ARRDC3: variants seen among roughly 807,000 people sequenced by gnomAD.
The protein encoded by ARRDC3 is arrestin domain containing 3, also known as arrestin domain-containing protein 3.
Under a neutral mutation model 47.2 loss-of-function variants are expected in ARRDC3, and 10 were observed. That is an observed-to-expected ratio of 0.21 (90% CI 0.13 to 0.36). The LOEUF (loss-of-function observed/expected upper bound fraction) is 0.36. Ranked by LOEUF, ARRDC3 falls within the 10% of genes least tolerant of loss-of-function variation. The pLI, the probability that ARRDC3 is intolerant of heterozygous loss-of-function variation, is 1.00. For synonymous variants in ARRDC3, 156 were observed against 178.3 expected, an observed-to-expected ratio of 0.87 and a Z score of 1.00; for missense variants, 381 against 503.6, an observed-to-expected ratio of 0.76 and a Z score of 2.33.
chr5:91,375,312 G>A, intron 4 of ARRDC3, 134 bp from the exon 5 acceptor site: 1 of 1,076,694 alleles, frequency 9.3e-7, no homozygotes, highest in Non-Finnish European at 1.3e-6. Context: ...AATAACTTGA[G>A]TCATAGAAAT....
intron 1 of ARRDC3, among the ~76,000 whole-genome samples, chr5:91,379,448 C>T (rs1234544879): frequency 6.6e-6 from 1 of 151,814 alleles, no homozygotes; most frequent in Non-Finnish European, 1.5e-5. Flanking sequence ...TAAACTATAC[C>T]TTAGATAATT....
At chr5:91,373,633 C>G (rs370344255) in intron 7 of ARRDC3, 51 bp downstream of exon 7, 1 of 1,535,504 alleles carries the variant, frequency 6.5e-7, no homozygotes, top group African/African-American at 1.4e-5. Flanking sequence ...GCCTGCAATG[C>G]TATTTCCCAA....
rs559913447 is a variant in ARRDC3 at position 91,369,961 on chromosome 5, A to G, written c.*1439T>C. 2 of 152,226 alleles carry G rather than the reference A, an allele frequency of 1.3e-5. No individual in the cohort carries two copies. Among genetic ancestry groups the G allele is most frequent in the African/African-American group, 4.8e-5 (2 of 41,468 alleles). 9.4% of individuals were successfully genotyped at this position (152,226 alleles called of 1,614,324 possible). On this transcript the variant is annotated 3_prime_UTR_variant, in exon 8 of 8. Coordinates refer to ENST00000265138, the MANE Select transcript of ARRDC3 (RefSeq NM_020801.4). Reference sequence around the variant, plus strand: ...TCTCATGTTTAGCAAATTGTTCTTTAGGTAATGAAAAACAGTATTCTCATT... The same window carrying G: ...TCTCATGTTTAGCAAATTGTTCTTTGGGTAATGAAAAACAGTATTCTCATT...
chr5:91,383,211 G>T lies in ARRDC3; in HGVS notation c.-119C>A. 1.1e-6 allele frequency: 1 copy of T among 906,378 alleles called. No individual in the cohort carries two copies. Among genetic ancestry groups the T allele is most frequent in the Non-Finnish European group, 1.6e-6 (1 of 614,950 alleles). The allele number at this position is 906,378 out of a possible 1,614,324, so 56.1% of individuals were successfully genotyped here. A position where few individuals can be genotyped will look rare whatever the true frequency, so the allele number is the denominator to read the frequency against. ...TGCCGTGCAAAATGCTTGCAGGCCG[G>T]ATCAGTGATTCTCTACAAATAGTTC... On this transcript the variant is annotated 5_prime_UTR_variant, in exon 1 of 8. Coordinates refer to ENST00000265138, the MANE Select transcript of ARRDC3 (RefSeq NM_020801.4).
In ARRDC3 at chr5:91,378,739, T is replaced by C. The variant is rs770121594; in HGVS notation, c.317A>G (p.His106Arg). Reference protein sequence around the residue: ...DNSEEGFHTIHSGRHEYAFSF... With the variant: ...DNSEEGFHTIRSGRHEYAFSF... ...GAATGCATATTCATGCCTTCCTGAA[T>C]GAATAGTGTGGAAGCCTTCTTCGGA... The change falls in exon 2 of 8, where the codon CAT (histidine) becomes CGT (arginine). Residue 106 changes from histidine (H) to arginine (R), a missense_variant. Transcript: ENST00000265138. 1.2e-6 allele frequency: 2 copies of C among 1,601,184 alleles called. No individual in the cohort carries two copies. The highest frequency in any genetic ancestry group is 2.2e-5 in the East Asian group (1 of 44,484).
intron 1 of ARRDC3, chr5:91,380,594 C>G (rs1799430310): frequency 6.6e-6 from 1 of 152,262 alleles, no homozygotes; most frequent in Non-Finnish European, 1.5e-5. Flanking sequence ...TCAAGGTAGA[C>G]AGTGTGGCGA....
rs1257150983 is a variant in ARRDC3 at position 91,369,247 on chromosome 5, CAGTT to C, written c.*2149_*2152del. 7 of 152,628 alleles carry C rather than the reference CAGTT, an allele frequency of 4.6e-5. No individual in the cohort carries two copies. In the South Asian group the frequency reaches 8.3e-4, roughly 18 times the overall value. The allele number at this position is 152,628 out of a possible 1,614,324, so 9.5% of individuals were successfully genotyped here. On this transcript the variant is annotated 3_prime_UTR_variant, in exon 8 of 8. Transcript: ENST00000265138. ...TGCATATCAACAATTGTTCCCTAGT[CAGTT>C]AGACGTAAGAGAGAAAAGGGATTTT...
At position 91,369,641 on chromosome 5, in the gene ARRDC3, T is replaced by TA. The variant is rs1307691442; in HGVS notation, c.*1758_*1759insT. ...AGAGCTACTATTATTTTCAGCCACT[T>TA]TATTAACTGTGGGGTTAAATGGCAG... On this transcript the variant is annotated 3_prime_UTR_variant, in exon 8 of 8. Transcript: ENST00000265138. The TA allele has an allele frequency of 6.6e-6, 1 of 152,414 alleles. No individual in the cohort carries two copies. Among genetic ancestry groups the TA allele is most frequent in the Non-Finnish European group, 1.5e-5 (1 of 68,002 alleles). The allele number at this position is 152,414 out of a possible 1,614,324, so 9.4% of individuals were successfully genotyped here.
At chr5:91,379,879 T>C (rs1390439842) in intron 1 of ARRDC3, 1 of 152,190 alleles carries the variant, frequency 6.6e-6, no homozygotes, top group African/African-American at 2.4e-5. Context: ...TATACGTCGA[T>C]ACTTTCATTT....
intron 1 of ARRDC3, among the ~76,000 whole-genome samples, chr5:91,379,542 AAT>A (rs1491124038): frequency 4.6e-5 from 7 of 152,272 alleles, no homozygotes; most frequent in African/African-American, 1.7e-4. Flanking sequence ...TCTAACTATT[AAT>A]AGTTTCCAGT....
chr5:91,375,792 C>A, intron 3 of ARRDC3, among the ~76,000 whole-genome samples, 179 bp from the exon 4 acceptor site: 1 of 151,550 alleles, frequency 6.6e-6, no homozygotes. Context: ...TGAATTATAC[C>A]ATTACTTTTA....
intron 2 of ARRDC3, among the ~76,000 whole-genome samples, chr5:91,377,571 AT>A (rs35213327): frequency 0.31 from 44,901 of 145,406 alleles, 9,322 homozygotes; most frequent in African/African-American, 0.59. Context: ...TGTTTTCATA[AT>A]TTTTTTTTTT....
intron 6 of ARRDC3, 90 bp downstream of exon 6, chr5:91,374,024 T>C: frequency 1.4e-6 from 2 of 1,472,840 alleles, no homozygotes; most frequent in African/African-American, 1.4e-5. Context: ...AAAGATTATG[T>C]TCATCTAGGG....
At chr5:91,373,371 A>G (rs895132235) in intron 7 of ARRDC3, among the ~76,000 whole-genome samples, 1 of 152,330 alleles carries the variant, frequency 6.6e-6, no homozygotes, top group African/African-American at 2.4e-5. Context: ...AGTTCTTCCT[A>G]TTGATGCTTG....
intron 1 of ARRDC3, among the ~76,000 whole-genome samples, chr5:91,379,348 AAAT>A (rs1433890940): frequency 1.3e-5 from 2 of 151,772 alleles, no homozygotes; most frequent in African/African-American, 4.8e-5. Context: ...TTATAACTAA[AAAT>A]AATTATTTAT....
Position 91,374,272 on chromosome 5 carries a change from T to C in ARRDC3, c.875A>G (p.Tyr292Cys), listed in dbSNP as rs757255643. ...ATCCATAGCTCCAGGAATATCCACA[T>C]ATACCTAAACATTGCAAAGAAATAT... ...IIRVEYSLMV[Y>C]VDIPGAMDLF... The change falls in exon 6 of 8, where the codon TAT becomes TGT. Residue 292 changes from tyrosine to cysteine, a missense_variant. Coordinates refer to ENST00000265138, the MANE Select transcript of ARRDC3 (RefSeq NM_020801.4). The C allele has an allele frequency of 6.2e-7, 1 of 1,611,812 alleles. No homozygotes were observed. Among genetic ancestry groups the C allele is most frequent in the Non-Finnish European group, 8.5e-7 (1 of 1,178,726 alleles).
chr5:91,378,687 T>C lies in ARRDC3; in HGVS notation c.362+7A>G. 6.6e-7 allele frequency: 1 copy of C among 1,512,950 alleles called. No homozygotes were observed. Among genetic ancestry groups the C allele is most frequent in the Non-Finnish European group, 9.1e-7 (1 of 1,104,492 alleles). 93.7% of individuals were successfully genotyped at this position (1,512,950 alleles called of 1,614,324 possible). A position where few individuals can be genotyped will look rare whatever the true frequency, so the allele number is the denominator to read the frequency against. ...CTATAAAAATGCCTATTATTTATAA[T>C]ACTTACGTCTGTGGAAGCTCGAAGC... is the stretch of plus-strand genomic sequence containing the variant. On this transcript the variant is annotated splice_region_variant and intron_variant, in intron 2 of 7. Coordinates refer to ENST00000265138, the MANE Select transcript of ARRDC3 (RefSeq NM_020801.4).
intron 7 of ARRDC3, among the ~76,000 whole-genome samples, chr5:91,372,113 T>G (rs1195770577): frequency 6.6e-6 from 1 of 152,068 alleles, no homozygotes; most frequent in African/African-American, 2.4e-5. Context: ...GACTTTTATA[T>G]GCACATATTT....
intron 1 of ARRDC3, chr5:91,380,056 C>G (rs111819561): frequency 0.02 from 3,035 of 152,326 alleles, 86 homozygotes; most frequent in African/African-American, 0.069. Context: ...TTTCTTCCCT[C>G]TTCGCTCCCT....
Sources: allele counts gnomAD v4.1 joint callset (sites outside exome capture counted in the v4.1 genomes callset), GRCh38; gene constraint gnomAD v4.1.1; transcripts MANE v1.5; gene names NCBI Gene and HGNC (gene_info 2026-07-23, HGNC 2026-07-21).